Variants in PEDS1 observed in about 807,000 individuals in gnomAD.
PEDS1 encodes the protein CarF homolog.
A neutral mutation model predicts 35.2 loss-of-function variants in PEDS1; 14 were observed. The observed-to-expected ratio is 0.40, with a 90% CI of 0.26 to 0.62. The LOEUF is 0.62. PEDS1 is among the 20% of genes least tolerant of loss of function. The pLI is 0.44. For synonymous variants in PEDS1, 152 were observed against 152.0 expected (o/e 1.00, Z 0.00); for missense variants, 260 against 367.8 (o/e 0.71, Z 2.40).
At position 50,120,852 on chromosome 20, in the gene PEDS1, AGGC is replaced by A. The variant is rs1474765064; in HGVS notation, c.*4203_*4205del. 1 of 152,368 alleles carries A rather than the reference AGGC, an allele frequency of 6.6e-6. No individual in the cohort carries two copies. The highest frequency in any genetic ancestry group is 1.5e-5 in the Non-Finnish European group (1 of 68,488). 9.4% of individuals were successfully genotyped at this position (152,368 alleles called of 1,614,324 possible). ...AGACCCCGTCTCCAGGAAAAAAAAAAGGCGGGGTGATGGAGTTTCAGTTGGGGG... is the reference window on the plus strand; with the variant it reads ...AGACCCCGTCTCCAGGAAAAAAAAAAGGGGTGATGGAGTTTCAGTTGGGGG... On this transcript the variant is annotated 3_prime_UTR_variant, in exon 6 of 6. Coordinates refer to ENST00000371652, the MANE Select transcript of PEDS1 (RefSeq NM_199129.4).
At chr20:50,147,691 C>T (rs1360328218) in intron 1 of PEDS1, among the ~76,000 whole-genome samples, 1 of 152,168 alleles carries the variant, frequency 6.6e-6, no homozygotes, top group Non-Finnish European at 1.5e-5. Context: ...ATCTAAACTC[C>T]ATCTCTCTTT....
At chr20:50,131,621 C>CAA (rs926700222) in intron 2 of PEDS1, among the ~76,000 whole-genome samples, 2 of 133,166 alleles carry the variant, frequency 1.5e-5, no homozygotes, top group South Asian at 2.4e-4. Flanking sequence ...GACTCCGTCT[C>CAA]AAAAAAAAAA....
chr20:50,148,175 C>T (rs1339966206), intron 1 of PEDS1, among the ~76,000 whole-genome samples: 3 of 152,200 alleles, frequency 2.0e-5, no homozygotes, highest in Non-Finnish European at 4.4e-5. Context: ...ATCTCAGCAC[C>T]CCTCACCACC....
chr20:50,153,530 C>G lies in PEDS1; in HGVS notation c.108G>C (p.Ala36=). Residue 36 remains alanine, a synonymous_variant, in exon 1 of 6, where the codon GCG becomes GCC. Coordinates refer to ENST00000371652, the MANE Select transcript of PEDS1 (RefSeq NM_199129.4). ...CAGAGGTCTTACCTGGCGAGTAGAG[C>G]GCAGCCAGCTCGCGGGCCCCGGCGT... is the stretch of plus-strand genomic sequence containing the variant. The part of the protein sequence containing the change: ...AQHAGARELA[A]LYSPGKRLQE... 1 of 1,421,342 alleles carries G rather than the reference C, an allele frequency of 7.0e-7. No homozygotes were observed. Among genetic ancestry groups the G allele is most frequent in the Non-Finnish European group, 9.3e-7 (1 of 1,080,872 alleles). 88.0% of individuals were successfully genotyped at this position (1,421,342 alleles called of 1,614,324 possible).
At chr20:50,143,421 GACAC>G in intron 2 of PEDS1, 77 bp downstream of exon 2, 1 of 1,541,300 alleles carries the variant, frequency 6.5e-7, no homozygotes, top group Non-Finnish European at 8.8e-7. Context: ...CATGCATGTG[GACAC>G]ACACACGCGC....
Position 50,128,099 on chromosome 20 carries a change from C to T in PEDS1, c.567G>A (p.Ser189=), listed in dbSNP as rs1456118545. ...AGCGTGGCAGCCCAAAGTACGTGTG[C>T]GACCACTTGTGGATCTGGTTGGTGA... ...GTFTNQIHKW[S]HTYFGLPRWV... Residue 189 remains serine (S), a synonymous_variant, in exon 5 of 6, where the codon TCG becomes TCA. Coordinates refer to ENST00000371652, the MANE Select transcript of PEDS1 (RefSeq NM_199129.4). The surrounding 1 kb of genome is among the most constrained non-coding windows in gnomAD (Gnocchi z 5.2). 20 of 1,614,008 alleles carry T rather than the reference C, an allele frequency of 1.2e-5. No homozygotes were observed. Among genetic ancestry groups the T allele is most frequent in the Non-Finnish European group, 1.5e-5 (18 of 1,180,024 alleles).
rs747372693 is a variant in PEDS1 at position 50,127,942 on chromosome 20, G to A, written c.691+33C>T. ...GAAGATGGTGCAGTGGCTGGGGTGG[G>A]GAAAGCCCATTCCACGCCACTGGTG... On this transcript the variant is annotated intron_variant, in intron 5 of 5. Transcript: ENST00000371652. 25 of 1,603,242 alleles carry A rather than the reference G, an allele frequency of 1.6e-5. No homozygotes were observed. In the Admixed American group the frequency reaches 4.3e-4, roughly 28 times the overall value.
Position 50,129,891 on chromosome 20 carries a change from C to T in PEDS1, c.334-201G>A, listed in dbSNP as rs1026194799. ...CCTTTGGGGAGATGAGCCGAAATGA[C>T]CCTGGAAGGGCTTTGGGTTGGCACT... On this transcript the variant is annotated intron_variant, in intron 3 of 5. Coordinates refer to ENST00000371652, the MANE Select transcript of PEDS1 (RefSeq NM_199129.4). This position sits in a 1 kb window ranked among gnomAD's most constrained non-coding sequence, Gnocchi z 4.2. Among the ~76,000 whole-genome samples the T allele has an allele frequency of 3.3e-5, 5 of 152,172 alleles. No homozygotes were observed. The highest frequency in any genetic ancestry group is 1.2e-4 in the African/African-American group (5 of 41,448).
chr20:50,142,690 C>CG (rs1461623628), intron 2 of PEDS1, among the ~76,000 whole-genome samples: 1 of 97,528 alleles, frequency 1.0e-5, no homozygotes, highest in East Asian at 3.5e-4. Context: ...CCGCCCCCCC[C>CG]CCCCCGCCCC....
chr20:50,135,324 T>A (rs1415121214), intron 2 of PEDS1, among the ~76,000 whole-genome samples: 5 of 151,858 alleles, frequency 3.3e-5, no homozygotes, highest in African/African-American at 1.2e-4. Flanking sequence ...TGTTTACAAG[T>A]GTTTTTGGTC....
intron 5 of PEDS1, among the ~76,000 whole-genome samples, chr20:50,126,783 C>T (rs1430781591): frequency 6.6e-6 from 1 of 152,218 alleles, no homozygotes; most frequent in African/African-American, 2.4e-5. Flanking sequence ...TTCGCACTGG[C>T]TGCTAACTGA....
chr20:50,142,682 G>GCCCCCCCCCCCCC (rs3091914), intron 2 of PEDS1, among the ~76,000 whole-genome samples: 1 of 33,932 alleles, frequency 2.9e-5, no homozygotes. Flanking sequence ...CAAGTCATCC[G>GCCCCCCCCCCCCC]CCCCCCCCCC....
At chr20:50,149,506 G>A (rs944544969) in intron 1 of PEDS1, among the ~76,000 whole-genome samples, 22 of 152,146 alleles carry the variant, frequency 1.4e-4, no homozygotes, top group African/African-American at 5.3e-4. Context: ...CCTGACATCT[G>A]GCATGAGGTG....
chr20:50,130,816 A>G, intron 3 of PEDS1, 40 bp downstream of exon 3: 1 of 1,612,678 alleles, frequency 6.2e-7, no homozygotes. Context: ...CATACAGCCC[A>G]ACCTCCTTCT....
Position 50,129,643 on chromosome 20 carries a change from G to A in PEDS1, c.381C>T (p.Ile127=), listed in dbSNP as rs755256657. Residue 127 remains isoleucine, a synonymous_variant, in exon 4 of 6, where the codon ATC becomes ATT. Coordinates refer to ENST00000371652, the MANE Select transcript of PEDS1 (RefSeq NM_199129.4). The surrounding 1 kb of genome is among the most constrained non-coding windows in gnomAD (Gnocchi z 4.2). The part of the protein sequence containing the change: ...FREHHIDPTA[I]TRHDFIETNG... ...TGGTCTCGATGAAGTCGTGCCGTGTGATAGCTGTCGGGTCAATGTGGTGCT... is the reference window on the plus strand; with the variant it reads ...TGGTCTCGATGAAGTCGTGCCGTGTAATAGCTGTCGGGTCAATGTGGTGCT... 3 of 1,614,022 alleles carry A rather than the reference G, an allele frequency of 1.9e-6. No homozygotes were observed. Among genetic ancestry groups the A allele is most frequent in the Non-Finnish European group, 2.5e-6 (3 of 1,180,028 alleles).
intron 1 of PEDS1, among the ~76,000 whole-genome samples, chr20:50,149,411 G>A (rs2081379116): frequency 6.6e-6 from 1 of 152,130 alleles, no homozygotes. Context: ...GCACACACAT[G>A]GCCAGATTTC....
intron 1 of PEDS1, among the ~76,000 whole-genome samples, chr20:50,145,493 G>C (rs2081336223): frequency 6.6e-6 from 1 of 152,180 alleles, no homozygotes; most frequent in African/African-American, 2.4e-5. Context: ...TCAGGAGTTT[G>C]AGACCAGCCA....
chr20:50,122,129 G>T lies in PEDS1; in HGVS notation c.*2929C>A, dbSNP rs1454906469. ...ACTTTCCACTGAGATTGCTGAGCTG[G>T]TCTAGTAAGTCTCAACTCAAAGAGA... is the stretch of plus-strand genomic sequence containing the variant. On this transcript the variant is annotated 3_prime_UTR_variant, in exon 6 of 6. Transcript: ENST00000371652. 6.6e-6 allele frequency: 1 copy of T among 152,176 alleles called. No individual in the cohort carries two copies. Among genetic ancestry groups the T allele is most frequent in the Non-Finnish European group, 1.5e-5 (1 of 68,046 alleles). The allele number at this position is 152,176 out of a possible 1,614,324, so 9.4% of individuals were successfully genotyped here.
At chr20:50,127,283 G>A (rs552221304) in intron 5 of PEDS1, among the ~76,000 whole-genome samples, 4 of 149,904 alleles carry the variant, frequency 2.7e-5, no homozygotes, top group East Asian at 2.0e-4. Context: ...TTATTCATTC[G>A]TTCCAGCTCC....
Sources: gnomAD v4.1 joint callset for allele counts (sites outside exome capture counted in the v4.1 genomes callset) on GRCh38, gnomAD v4.1.1 for gene constraint, Gnocchi (gnomAD v3.1) non-coding constraint, MANE v1.5 for transcripts, NCBI Gene and HGNC (gene_info 2026-07-23, HGNC 2026-07-21) for gene names.